Variants in AKAP19 observed in about 807,000 individuals in gnomAD.
AKAP19 encodes the protein small A-kinase anchoring protein.
chr2:190,025,349 C>A, the AKAP19 span, among the ~76,000 whole-genome samples: 19 of 152,274 alleles, frequency 1.2e-4, no homozygotes, highest in South Asian at 2.5e-3. Flanking sequence ...CTCCTCTGCC[C>A]ATTCTCCATC....
the AKAP19 span, among the ~76,000 whole-genome samples, chr2:189,912,472 C>CAGA: frequency 6.6e-6 from 1 of 152,080 alleles, no homozygotes; most frequent in Non-Finnish European, 1.5e-5. Flanking sequence ...ACCTGAGAGG[C>CAGA]AGAGGCTGCA....
the AKAP19 span, among the ~76,000 whole-genome samples, chr2:190,054,949 A>G: frequency 3.3e-5 from 5 of 152,174 alleles, no homozygotes; most frequent in African/African-American, 1.2e-4. Context: ...AACTAGAAAT[A>G]CCATTTGATC....
the AKAP19 span, among the ~76,000 whole-genome samples, chr2:190,020,727 T>C: frequency 6.6e-6 from 1 of 152,180 alleles, no homozygotes; most frequent in Non-Finnish European, 1.5e-5. Context: ...TGAAACTCTA[T>C]TCTCATTAAA....
chr2:189,894,058 G>A, the AKAP19 span, among the ~76,000 whole-genome samples: 2 of 152,224 alleles, frequency 1.3e-5, no homozygotes, highest in African/African-American at 4.8e-5. Flanking sequence ...GAAGGGTCTG[G>A]CTTCAATAAA....
At chr2:189,889,142 G>A in the AKAP19 span, among the ~76,000 whole-genome samples, 1 of 152,066 alleles carries the variant, frequency 6.6e-6, no homozygotes, top group African/African-American at 2.4e-5. Context: ...TTTTTAGTAT[G>A]AAGGGGTGTT....
the AKAP19 span, chr2:189,923,737 T>C: frequency 4.3e-6 from 7 of 1,613,564 alleles, no homozygotes; most frequent in African/African-American, 1.3e-5. Context: ...CTCCTCCTCC[T>C]CCTATTGCTC....
the AKAP19 span, among the ~76,000 whole-genome samples, chr2:190,041,590 TGTGCCAGTTTTCAAGGGG>T: frequency 6.6e-6 from 1 of 152,238 alleles, no homozygotes; most frequent in Non-Finnish European, 1.5e-5. Context: ...ATCCTTGTTT[TGTGCCAGTTTTCAAGGGG>T]AATGCTTCCA....
chr2:189,929,883 A>T, the AKAP19 span, among the ~76,000 whole-genome samples: 1 of 152,168 alleles, frequency 6.6e-6, no homozygotes, highest in Non-Finnish European at 1.5e-5. Context: ...GAATTTGGGG[A>T]TGGGGAGGGG....
chr2:190,003,882 G>C, the AKAP19 span, among the ~76,000 whole-genome samples: 3 of 151,854 alleles, frequency 2.0e-5, no homozygotes, highest in Non-Finnish European at 4.4e-5. Flanking sequence ...AAAAAAAAAA[G>C]TTGTATTCCT....
chr2:190,011,837 T>C, the AKAP19 span, among the ~76,000 whole-genome samples: 1 of 152,234 alleles, frequency 6.6e-6, no homozygotes, highest in Non-Finnish European at 1.5e-5. Context: ...ACTATGGCTT[T>C]GCAATAGTAT....
At chr2:189,941,339 T>C in the AKAP19 span, among the ~76,000 whole-genome samples, 5 of 152,196 alleles carry the variant, frequency 3.3e-5, no homozygotes, top group Non-Finnish European at 7.3e-5. Context: ...GTAATTGTGG[T>C]GTGAGATCCA....
chr2:189,971,682 G>A, the AKAP19 span, among the ~76,000 whole-genome samples: 2 of 152,158 alleles, frequency 1.3e-5, no homozygotes, highest in Non-Finnish European at 2.9e-5. Context: ...CATTCTAACT[G>A]GTGTGAGATG....
At chr2:189,910,023 T>C in the AKAP19 span, among the ~76,000 whole-genome samples, 1 of 152,098 alleles carries the variant, frequency 6.6e-6, no homozygotes, top group South Asian at 2.1e-4. Context: ...AGGCTTCCTA[T>C]GTATAAGGTC....
the AKAP19 span, among the ~76,000 whole-genome samples, chr2:189,980,490 A>G: frequency 1.4e-4 from 21 of 152,134 alleles, no homozygotes; most frequent in African/African-American, 5.1e-4. Flanking sequence ...ATGCACCACC[A>G]TGCCCAGTTA....
the AKAP19 span, among the ~76,000 whole-genome samples, chr2:189,976,230 T>C: frequency 2.0e-5 from 3 of 152,230 alleles, no homozygotes; most frequent in Non-Finnish European, 4.4e-5. Context: ...TGTTGGAGTA[T>C]GCTGGAGGTC....
chr2:189,908,762 G>A, the AKAP19 span, among the ~76,000 whole-genome samples: 1 of 151,984 alleles, frequency 6.6e-6, no homozygotes, highest in Non-Finnish European at 1.5e-5. Flanking sequence ...TAAAACTTTT[G>A]TTGTGGCCTA....
chr2:190,060,277 TGATGA>T, the AKAP19 span: 1 of 1,613,208 alleles, frequency 6.2e-7, no homozygotes, highest in Non-Finnish European at 8.5e-7. Context: ...TTCATAGGTT[TGATGA>T]GTCTCAGGAT....
chr2:190,175,940 G>A, the AKAP19 span, among the ~76,000 whole-genome samples: 118 of 152,256 alleles, frequency 7.8e-4, no homozygotes, highest in Admixed American at 1.2e-3. Context: ...CCCTTTAAAC[G>A]AGGCTTCTTG....
the AKAP19 span, among the ~76,000 whole-genome samples, chr2:190,119,776 T>G: frequency 6.6e-6 from 1 of 151,982 alleles, no homozygotes; most frequent in Non-Finnish European, 1.5e-5. Flanking sequence ...CATGTGACAT[T>G]CTGAAAAAAA....
Sources: allele counts gnomAD v4.1 joint callset (sites outside exome capture counted in the v4.1 genomes callset), GRCh38; gene constraint gnomAD v4.1.1; transcripts MANE v1.5; gene names NCBI Gene and HGNC (gene_info 2026-07-23, HGNC 2026-07-21).